RNF175: variants seen among roughly 807,000 people sequenced by gnomAD.
The protein encoded by RNF175 is ring finger protein 175.
In RNF175, 38 loss-of-function variants were observed where a neutral mutation model predicts 50.0. That is an observed-to-expected ratio of 0.76 (90% CI 0.59 to 1.00). The LOEUF (loss-of-function observed/expected upper bound fraction) is 1.00. Ranked by LOEUF, RNF175 falls within the 50% of genes least tolerant of loss-of-function variation. The pLI, the probability that RNF175 is intolerant of heterozygous loss-of-function variation, is 0.00. For synonymous variants in RNF175, 155 were observed against 146.1 expected (o/e 1.06, Z -0.44); for missense variants, 388 against 409.6 (o/e 0.95, Z 0.46).
intron 3 of RNF175, among the ~76,000 whole-genome samples, chr4:153,744,665 T>C (rs896087725): frequency 7.9e-5 from 12 of 152,230 alleles, no homozygotes; most frequent in Non-Finnish European, 1.6e-4. Flanking sequence ...TCTTCCTACA[T>C]GAGGACTCTA....
At chr4:153,737,356 G>T (rs1033054630) in intron 3 of RNF175, among the ~76,000 whole-genome samples, 2 of 151,634 alleles carry the variant, frequency 1.3e-5, no homozygotes, top group Non-Finnish European at 2.9e-5. Context: ...TTTGTTGTAG[G>T]CATAAATTAC....
At chr4:153,716,485 T>C (rs887469672) in intron 6 of RNF175, among the ~76,000 whole-genome samples, 2 of 152,244 alleles carry the variant, frequency 1.3e-5, no homozygotes, top group Non-Finnish European at 1.5e-5. Context: ...CTTTGGGATA[T>C]CTGCATCTTC....
chr4:153,715,430 G>T, intron 7 of RNF175, 99 bp downstream of exon 7: 1 of 1,210,374 alleles, frequency 8.3e-7, no homozygotes, highest in Non-Finnish European at 1.2e-6. Context: ...GGCATGGAAG[G>T]TAAGCAAGAT....
rs370697990 is a variant in RNF175, at chr4:153,715,601, C to T, written c.692G>A (p.Gly231Glu). ...SLSDNICAVC[G>E]QKIIVELDEE... ...ATCAAGCTCCACAATGATCTTCTGCCCACAGACTGCACAGATATTGTCCGA... is the reference window on the plus strand; with the variant it reads ...ATCAAGCTCCACAATGATCTTCTGCTCACAGACTGCACAGATATTGTCCGA... Residue 231 changes from glycine to glutamate, a missense_variant, in exon 7 of 9, where the codon GGG (glycine) becomes GAG (glutamate). By Grantham distance (98) the Gly-to-Glu change is moderately conservative (BLOSUM62 -2). Coordinates refer to ENST00000347063, the MANE Select transcript of RNF175 (RefSeq NM_173662.4). 1 of 1,613,686 alleles carries T rather than the reference C, an allele frequency of 6.2e-7. No homozygotes were observed. Among genetic ancestry groups the T allele is most frequent in the Admixed American group, 1.7e-5 (1 of 60,004 alleles).
chr4:153,729,790 C>A, intron 3 of RNF175: 11 of 984,886 alleles, frequency 1.1e-5, no homozygotes, highest in Non-Finnish European at 1.3e-5. Context: ...TAAACAAAAA[C>A]ACACACGGAG....
At chr4:153,757,873 T>C (rs112337715) in intron 1 of RNF175, among the ~76,000 whole-genome samples, 1 of 152,228 alleles carries the variant, frequency 6.6e-6, no homozygotes, top group Non-Finnish European at 1.5e-5. Flanking sequence ...ATGGTGTTTG[T>C]CCAGTAAGGT....
intron 8 of RNF175, among the ~76,000 whole-genome samples, chr4:153,712,270 T>C (rs182034295): frequency 3.3e-5 from 5 of 152,294 alleles, no homozygotes; most frequent in African/African-American, 1.2e-4. Flanking sequence ...GAGTGGAATG[T>C]TTTCTGGCAT....
intron 1 of RNF175, among the ~76,000 whole-genome samples, chr4:153,751,974 G>A (rs1214432089): frequency 1.3e-5 from 2 of 152,226 alleles, no homozygotes; most frequent in Admixed American, 6.5e-5. Flanking sequence ...GAGCATTCTT[G>A]TACTCTCTTG....
Position 153,728,405 on chromosome 4 carries a change from C to T in RNF175, c.247-44G>A, listed in dbSNP as rs943508579. The stretch of plus-strand genomic sequence containing the variant: ...GGAAGTATCTTTCAATGACCAAGTG[C>T]CTGAATGGCATCTCCACTATTAAAT... On this transcript the variant is annotated intron_variant, in intron 3 of 8. Coordinates refer to ENST00000347063, the MANE Select transcript of RNF175 (RefSeq NM_173662.4). 5.8e-6 allele frequency: 9 copies of T among 1,559,578 alleles called. No homozygotes were observed. In the African/African-American group the frequency reaches 6.8e-5, roughly 12 times the overall value.
At chr4:153,716,378 A>G (rs568580617) in intron 6 of RNF175, among the ~76,000 whole-genome samples, 1 of 152,324 alleles carries the variant, frequency 6.6e-6, no homozygotes. Context: ...AGATCTCTGG[A>G]GTAAACCGAG....
chr4:153,724,469 C>T (rs1274591217), intron 4 of RNF175, among the ~76,000 whole-genome samples: 3 of 152,180 alleles, frequency 2.0e-5, no homozygotes, highest in Admixed American at 2.0e-4. Flanking sequence ...TGCCTCACAT[C>T]CCTTTCCCTG....
At chr4:153,732,092 C>T (rs1739072082) in intron 3 of RNF175, among the ~76,000 whole-genome samples, 3 of 151,856 alleles carry the variant, frequency 2.0e-5, no homozygotes, top group Admixed American at 2.0e-4. Flanking sequence ...ATTAGCTGGG[C>T]GAGGTGGCAC....
chr4:153,740,524 T>A (rs926277957), intron 3 of RNF175, among the ~76,000 whole-genome samples: 1 of 152,220 alleles, frequency 6.6e-6, no homozygotes, highest in South Asian at 2.1e-4. Context: ...ACAGTCACCA[T>A]GCTGTGCAAT....
At chr4:153,745,576 A>C (rs1739925769) in intron 3 of RNF175, 1 of 152,222 alleles carries the variant, frequency 6.6e-6, no homozygotes, top group Non-Finnish European at 1.5e-5. Flanking sequence ...TACTAATGAA[A>C]CAACATTAGA....
At chr4:153,736,768 A>G (rs1739373294) in intron 3 of RNF175, among the ~76,000 whole-genome samples, 1 of 152,134 alleles carries the variant, frequency 6.6e-6, no homozygotes, top group African/African-American at 2.4e-5. Flanking sequence ...GAATTAGCCC[A>G]CCTCATCTAA....
chr4:153,752,968 C>T lies in RNF175; in HGVS notation c.67-1493G>A, dbSNP rs75262922. 2.4e-4 allele frequency among the ~76,000 whole-genome samples: 37 copies of T among 152,016 alleles called. No individual in the cohort carries two copies. In the East Asian group the frequency reaches 4.8e-3, roughly 20 times the overall value. ...GTAAAAATGAGGACTTCTATTGAAA[C>T]ACGGTAAATAAAAAAAGTGCACTTA... On this transcript the variant is annotated intron_variant, in intron 1 of 8. Transcript: ENST00000347063.
rs1737472585 is a variant in RNF175 at position 153,710,263 on chromosome 4, T to A, written c.*106A>T. ...AAATTGCTTGACAACAAAGTTTACT[T>A]AGTTTTCTAAACACTTGGGATCATC... On this transcript the variant is annotated 3_prime_UTR_variant, in exon 9 of 9. Coordinates refer to ENST00000347063, the MANE Select transcript of RNF175 (RefSeq NM_173662.4). 1 of 847,322 alleles carries A rather than the reference T, an allele frequency of 1.2e-6. No individual in the cohort carries two copies. Among genetic ancestry groups the A allele is most frequent in the Non-Finnish European group, 1.7e-6 (1 of 585,318 alleles). The allele number at this position is 847,322 out of a possible 1,614,324, so 52.5% of individuals were successfully genotyped here.
intron 6 of RNF175, among the ~76,000 whole-genome samples, chr4:153,719,233 G>T (rs1313519155): frequency 6.6e-6 from 1 of 152,162 alleles, no homozygotes; most frequent in Non-Finnish European, 1.5e-5. Context: ...GTGTTAGTTT[G>T]CTGAGGATAA....
chr4:153,716,411 C>T (rs1348075581), intron 6 of RNF175, among the ~76,000 whole-genome samples: 1 of 152,074 alleles, frequency 6.6e-6, no homozygotes, highest in East Asian at 1.9e-4. Flanking sequence ...CATTTAAATC[C>T]CCATGTTTTT....
Sources: gnomAD v4.1 joint callset for allele counts (sites outside exome capture counted in the v4.1 genomes callset) on GRCh38, gnomAD v4.1.1 for gene constraint, MANE v1.5 for transcripts, NCBI Gene and HGNC (gene_info 2026-07-23, HGNC 2026-07-21) for gene names.